Variants in RMDN2 observed in about 807,000 individuals in gnomAD.
RMDN2 encodes regulator of microtubule dynamics protein 2.
A neutral mutation model predicts 52.8 loss-of-function variants in RMDN2; 61 were observed. The ratio of observed to expected loss-of-function variants is 1.16; its 90% CI spans 0.94 to 1.43. The LOEUF (loss-of-function observed/expected upper bound fraction) is 1.43. RMDN2 is among the 40% of genes most tolerant of loss of function. The probability of loss-of-function intolerance (pLI) is 0.00; values close to 1 mark genes in which losing one functional copy is unlikely to be tolerated. For synonymous variants in RMDN2, 180 were observed against 153.1 expected, an observed-to-expected ratio of 1.18 and a Z score of -1.30; for missense variants, 592 against 475.3, an observed-to-expected ratio of 1.25 and a Z score of -2.28.
At chr2:38,059,215 T>A (rs75954481) in intron 10 of RMDN2, among the ~76,000 whole-genome samples, 7,051 of 152,296 alleles carry the variant, frequency 0.046, 563 homozygotes, top group African/African-American at 0.16. Flanking sequence ...TTAATTTTTT[T>A]AATTTTAATT....
chr2:37,956,605 A>G (rs1669493891), intron 2 of RMDN2, among the ~76,000 whole-genome samples: 1 of 151,026 alleles, frequency 6.6e-6, no homozygotes, highest in Admixed American at 6.6e-5. Context: ...TAGTTTCTTA[A>G]TATTTCGATT....
At chr2:38,028,789 A>G (rs1318718301) in intron 10 of RMDN2, among the ~76,000 whole-genome samples, 1 of 152,142 alleles carries the variant, frequency 6.6e-6, no homozygotes, top group Non-Finnish European at 1.5e-5. Flanking sequence ...CTGAGCAGGG[A>G]ACCAAGCAAG....
chr2:38,007,874 C>T (rs950285196), intron 10 of RMDN2, among the ~76,000 whole-genome samples: 2 of 151,960 alleles, frequency 1.3e-5, no homozygotes, highest in East Asian at 1.9e-4. Flanking sequence ...CACACTGCTT[C>T]GAATGTGTCC....
Position 38,001,925 on chromosome 2 carries a change from G to T in RMDN2, c.1045-2066G>T, listed in dbSNP as rs72901032. On this transcript the variant is annotated intron_variant, in intron 8 of 10. Coordinates refer to ENST00000354545, the MANE Select transcript of RMDN2 (RefSeq NM_001170791.3). ...ATGGATGCCACTGTAGGATGGTCAA[G>T]GCTCTGGCTTGATTGAAATTGACAA... Among the ~76,000 whole-genome samples the T allele has an allele frequency of 1.9e-3, 286 of 152,330 alleles. 3 individuals are homozygous for T. Among genetic ancestry groups the T allele is most frequent in the African/African-American group, 6.3e-3 (260 of 41,578 alleles).
intron 2 of RMDN2, among the ~76,000 whole-genome samples, chr2:37,970,613 T>A (rs1671682981): frequency 6.6e-6 from 1 of 152,128 alleles, no homozygotes; most frequent in Non-Finnish European, 1.5e-5. Context: ...GCCTAATTAT[T>A]TGGATATATG....
At chr2:38,016,338 C>G (rs1013888122) in intron 10 of RMDN2, among the ~76,000 whole-genome samples, 2 of 152,214 alleles carry the variant, frequency 1.3e-5, no homozygotes, top group Non-Finnish European at 2.9e-5. Flanking sequence ...AACATTGACT[C>G]AGCATGTGTT....
chr2:38,000,951 G>T (rs1301079922), intron 8 of RMDN2, among the ~76,000 whole-genome samples: 2 of 152,184 alleles, frequency 1.3e-5, no homozygotes, highest in South Asian at 4.1e-4. Flanking sequence ...GGCAGCTGCT[G>T]GCATGGCTGG....
intron 2 of RMDN2, among the ~76,000 whole-genome samples, chr2:37,959,980 T>C (rs1272379905): frequency 2.0e-5 from 3 of 152,154 alleles, no homozygotes. Flanking sequence ...TAATCTTGAG[T>C]TCTAATTTGA....
chr2:37,933,614 A>T (rs1331902317), intron 2 of RMDN2, among the ~76,000 whole-genome samples: 1 of 152,278 alleles, frequency 6.6e-6, no homozygotes, highest in Non-Finnish European at 1.5e-5. Flanking sequence ...CACCAAAAAA[A>T]TACGAAAACC....
intron 1 of RMDN2, among the ~76,000 whole-genome samples, chr2:37,927,266 G>A (rs1010070212): frequency 6.6e-6 from 1 of 152,182 alleles, no homozygotes; most frequent in Non-Finnish European, 1.5e-5. Context: ...CACATGTTGT[G>A]GGTGCATCCA....
chr2:37,988,505 G>T (rs1315829243), intron 5 of RMDN2, among the ~76,000 whole-genome samples: 1 of 152,164 alleles, frequency 6.6e-6, no homozygotes, highest in Non-Finnish European at 1.5e-5. Context: ...CATTTTATTG[G>T]TTGTCCATAT....
intron 10 of RMDN2, among the ~76,000 whole-genome samples, chr2:38,048,486 G>A (rs1157394660): frequency 6.6e-6 from 1 of 152,222 alleles, no homozygotes; most frequent in East Asian, 1.9e-4. Context: ...GCTCCAGAGA[G>A]GGGCACAGGA....
intron 2 of RMDN2, among the ~76,000 whole-genome samples, chr2:37,930,514 G>A (rs2124889865): frequency 6.6e-6 from 1 of 152,320 alleles, no homozygotes; most frequent in African/African-American, 2.4e-5. Context: ...GGCACCCCAA[G>A]GGGCAGCCCA....
Position 38,067,087 on chromosome 2 carries a change from C to T in RMDN2, c.*97C>T. The stretch of plus-strand genomic sequence containing the variant: ...AGTCATGACCTAGGCCCTGTGAAGT[C>T]AAGTATTTTTACCAAGTAAAAAGAT... On this transcript the variant is annotated 3_prime_UTR_variant, in exon 11 of 11. Coordinates refer to the RMDN2 transcript ENST00000234195. 3 of 1,199,196 alleles carry T rather than the reference C, an allele frequency of 2.5e-6. No individual in the cohort carries two copies. The South Asian group carries it at 3.7e-5, about 15-fold the overall frequency. The allele number at this position is 1,199,196 out of a possible 1,614,324, so 74.3% of individuals were successfully genotyped here.
chr2:38,065,085 G>C (rs1392079779), intron 10 of RMDN2, among the ~76,000 whole-genome samples: 1 of 152,196 alleles, frequency 6.6e-6, no homozygotes, highest in African/African-American at 2.4e-5. Context: ...AAAGTTGGAA[G>C]TTATCCAGGT....
intron 4 of RMDN2, 97 bp downstream of exon 4, chr2:37,975,411 C>T (rs1275734070): frequency 1.5e-6 from 1 of 686,598 alleles, no homozygotes; most frequent in Admixed American, 2.5e-5. Context: ...TTTGCAGGGA[C>T]ATGGATGAAG....
At chr2:38,035,971 G>A (rs1342057082) in intron 10 of RMDN2, 1 of 151,980 alleles carries the variant, frequency 6.6e-6, no homozygotes, top group African/African-American at 2.4e-5. Flanking sequence ...ACCACAGCAG[G>A]GAAAGGTATG....
At chr2:38,039,498 G>T (rs1052719999) in intron 10 of RMDN2, among the ~76,000 whole-genome samples, 1 of 152,118 alleles carries the variant, frequency 6.6e-6, no homozygotes, top group Non-Finnish European at 1.5e-5. Flanking sequence ...AAATACAAAA[G>T]GTTTACATCA....
chr2:38,038,021 G>C (rs1032249353), intron 10 of RMDN2, among the ~76,000 whole-genome samples: 14 of 152,136 alleles, frequency 9.2e-5, no homozygotes, highest in Admixed American at 9.2e-4. Flanking sequence ...TGCTTTGCTT[G>C]CAAGCCTGAC....
Sources: allele counts gnomAD v4.1 joint callset (sites outside exome capture counted in the v4.1 genomes callset), GRCh38; gene constraint gnomAD v4.1.1; transcripts MANE v1.5; gene names NCBI Gene and HGNC (gene_info 2026-07-23, HGNC 2026-07-21).